Variants in CNTLN observed in about 807,000 individuals in gnomAD.
CNTLN encodes centlein, centrosomal protein.
A neutral mutation model predicts 180.0 loss-of-function variants in CNTLN; 212 were observed. The ratio of observed to expected loss-of-function variants is 1.18; its 90% CI spans 1.05 to 1.32. The LOEUF (loss-of-function observed/expected upper bound fraction) is 1.32. Ranked by LOEUF, CNTLN falls within the 40% of genes most tolerant of loss-of-function variation. CNTLN has a pLI of 0.00. For missense variants in CNTLN, 2,095 were observed against 1,610.9 expected (o/e 1.30, Z -5.14); for synonymous variants, 722 against 563.1 (o/e 1.28, Z -3.99).
downstream of CNTLN, among the ~76,000 whole-genome samples, chr9:17,507,204 A>C (rs537231427): frequency 6.6e-6 from 1 of 152,112 alleles, no homozygotes; most frequent in Non-Finnish European, 1.5e-5. Flanking sequence ...GTGTGTACCC[A>C]ATGTTTATCT....
chr9:17,240,802 A>G (rs1304038453), intron 5 of CNTLN, among the ~76,000 whole-genome samples: 1 of 152,036 alleles, frequency 6.6e-6, no homozygotes, highest in Non-Finnish European at 1.5e-5. Context: ...GTGGAGTATT[A>G]CTCAAGAAAT....
chr9:17,338,150 T>C (rs1415931424), intron 10 of CNTLN, among the ~76,000 whole-genome samples: 4 of 150,090 alleles, frequency 2.7e-5, no homozygotes, highest in Admixed American at 2.7e-4. Flanking sequence ...CCTTCCTTCT[T>C]CTTTCTTTCT....
At chr9:17,339,329 G>T (rs1483407951) in intron 10 of CNTLN, among the ~76,000 whole-genome samples, 1 of 152,134 alleles carries the variant, frequency 6.6e-6, no homozygotes, top group Non-Finnish European at 1.5e-5. Flanking sequence ...ACAGTTACTT[G>T]GTTTCTAAAA....
At chr9:17,336,814 G>C (rs1488859793) in intron 10 of CNTLN, among the ~76,000 whole-genome samples, 1 of 152,130 alleles carries the variant, frequency 6.6e-6, no homozygotes, top group Non-Finnish European at 1.5e-5. Context: ...CCATCAACCT[G>C]TCACCTACAT....
At chr9:17,205,771 C>A (rs775328910) in intron 2 of CNTLN, among the ~76,000 whole-genome samples, 1 of 152,308 alleles carries the variant, frequency 6.6e-6, no homozygotes, top group East Asian at 1.9e-4. Context: ...GGGAAGATAT[C>A]TGAATCCTGC....
chr9:17,329,400 G>C (rs1820501119), intron 8 of CNTLN, among the ~76,000 whole-genome samples: 1 of 152,008 alleles, frequency 6.6e-6, no homozygotes, highest in Admixed American at 6.6e-5. Context: ...AAATCATTTA[G>C]ACTTCCTGGA....
chr9:17,274,409 G>A (rs935767292), intron 6 of CNTLN, among the ~76,000 whole-genome samples: 1 of 151,902 alleles, frequency 6.6e-6, no homozygotes, highest in Admixed American at 6.6e-5. Flanking sequence ...AATAGTATGA[G>A]AGAGAATAAA....
chr9:17,322,789 C>T (rs1457372366), intron 8 of CNTLN, among the ~76,000 whole-genome samples: 2 of 151,980 alleles, frequency 1.3e-5, no homozygotes, highest in East Asian at 3.9e-4. Context: ...AATACAGCTG[C>T]TAGGCTTTAC....
At chr9:17,278,719 G>A (rs1394938240) in intron 6 of CNTLN, among the ~76,000 whole-genome samples, 2 of 151,968 alleles carry the variant, frequency 1.3e-5, no homozygotes, top group African/African-American at 2.4e-5. Context: ...CGTGAATTAT[G>A]TAAAAATAAA....
chr9:17,447,599 G>A (rs1358932483), intron 18 of CNTLN: 1 of 153,032 alleles, frequency 6.5e-6, no homozygotes, highest in Non-Finnish European at 1.5e-5. Flanking sequence ...TCAGAGAATT[G>A]CTGAAAAAAC....
At chr9:17,142,158 G>A (rs1007945927) in intron 1 of CNTLN, among the ~76,000 whole-genome samples, 9 of 151,650 alleles carry the variant, frequency 5.9e-5, no homozygotes, top group African/African-American at 1.9e-4. Flanking sequence ...CCTAACACCC[G>A]GCTCATAGGT....
chr9:17,203,096 A>C (rs1822666820), intron 2 of CNTLN, among the ~76,000 whole-genome samples: 3 of 152,046 alleles, frequency 2.0e-5, no homozygotes, highest in Admixed American at 6.6e-5. Flanking sequence ...TCACTTATGA[A>C]GCTTAGTTTG....
rs774230569 is a variant in CNTLN, at chr9:17,388,282, A to T, written c.2079+29A>T. 6 of 1,424,310 alleles carry T rather than the reference A, an allele frequency of 4.2e-6. No individual in the cohort carries two copies. The Admixed American group carries it at 1.0e-4, about 25-fold the overall frequency. 88.2% of individuals were successfully genotyped at this position (1,424,310 alleles called of 1,614,324 possible). On this transcript the variant is annotated intron_variant, in intron 14 of 25. Coordinates refer to ENST00000380647, the MANE Select transcript of CNTLN (RefSeq NM_017738.4). ...GTCTAATCTTTAAGATATTGAGCTGAGCAAGTTAAATCTGAATTTTAACAT... is the reference window on the plus strand; with the variant it reads ...GTCTAATCTTTAAGATATTGAGCTGTGCAAGTTAAATCTGAATTTTAACAT...
In CNTLN at chr9:17,273,877, T is replaced by G; in HGVS notation, c.983+11T>G. On this transcript the variant is annotated intron_variant, in intron 6 of 25. Transcript: ENST00000380647. Reference sequence around the variant, plus strand: ...TATTACCCTGGTCAGGCAAGTATATTCAATTTTTAATTTAACATCATAGAA... The same window carrying G: ...TATTACCCTGGTCAGGCAAGTATATGCAATTTTTAATTTAACATCATAGAA... 6.5e-7 allele frequency: 1 copy of G among 1,530,376 alleles called. No homozygotes were observed. Among genetic ancestry groups the G allele is most frequent in the Non-Finnish European group, 8.8e-7 (1 of 1,141,852 alleles). 94.8% of individuals were successfully genotyped at this position (1,530,376 alleles called of 1,614,324 possible).
intron 22 of CNTLN, among the ~76,000 whole-genome samples, 153 bp from the exon 23 acceptor site, chr9:17,466,553 A>G (rs1250172845): frequency 6.6e-6 from 1 of 151,572 alleles, no homozygotes; most frequent in Admixed American, 6.6e-5. Context: ...AGGATGTTTT[A>G]TTGAAAGTTA....
chr9:17,215,851 C>T (rs1171324086), intron 2 of CNTLN, among the ~76,000 whole-genome samples: 1 of 152,194 alleles, frequency 6.6e-6, no homozygotes, highest in Non-Finnish European at 1.5e-5. Context: ...CCCTCTGAGC[C>T]AGGCGCGGGG....
intron 6 of CNTLN, among the ~76,000 whole-genome samples, chr9:17,292,856 A>G (rs909772416): frequency 1.3e-5 from 2 of 152,144 alleles, no homozygotes; most frequent in African/African-American, 4.8e-5. Flanking sequence ...GAGAGGTATT[A>G]TGATCATATG....
At chr9:17,293,690 C>T (rs923780756) in intron 6 of CNTLN, among the ~76,000 whole-genome samples, 1 of 152,180 alleles carries the variant, frequency 6.6e-6, no homozygotes. Flanking sequence ...TGCCCCTACT[C>T]CCCGGGAACT....
intron 2 of CNTLN, among the ~76,000 whole-genome samples, chr9:17,163,167 A>G (rs1421509868): frequency 6.6e-6 from 1 of 152,156 alleles, no homozygotes; most frequent in East Asian, 1.9e-4. Flanking sequence ...TATCATAAGA[A>G]TGGGGTTGAG....
Sources: allele counts gnomAD v4.1 joint callset (sites outside exome capture counted in the v4.1 genomes callset), GRCh38; gene constraint gnomAD v4.1.1; transcripts MANE v1.5; gene names NCBI Gene and HGNC (gene_info 2026-07-23, HGNC 2026-07-21).